NAE1: variants seen among roughly 807,000 people sequenced by gnomAD.
The protein encoded by NAE1 is NEDD8-activating enzyme E1 regulatory subunit.
Under a neutral mutation model 88.0 loss-of-function variants are expected in NAE1, and 59 were observed. That is an observed-to-expected ratio of 0.67 (90% CI 0.54 to 0.83). The LOEUF (loss-of-function observed/expected upper bound fraction) is 0.83. Among genes scored for constraint, NAE1 ranks in the 40% least tolerant of loss-of-function variants. The pLI is 0.00. For synonymous variants in NAE1, 186 were observed against 208.9 expected, an observed-to-expected ratio of 0.89 and a Z score of 0.95; for missense variants, 554 against 632.8, an observed-to-expected ratio of 0.88 and a Z score of 1.34.
chr16:66,826,916 T>C, intron 1 of NAE1, 136 bp from the exon 2 acceptor site: 1 of 750,522 alleles, frequency 1.3e-6, no homozygotes, highest in Middle Eastern at 3.9e-4. Flanking sequence ...CGGGAACAGA[T>C]ATTAGTATAG....
chr16:66,809,783 T>C (rs1200339585), intron 15 of NAE1, among the ~76,000 whole-genome samples: 2 of 152,144 alleles, frequency 1.3e-5, no homozygotes, highest in Non-Finnish European at 2.9e-5. Context: ...ATGCAAAATA[T>C]AAACTTCCAC....
At chr16:66,822,518 C>T (rs1011114921) in intron 6 of NAE1, among the ~76,000 whole-genome samples, 2 of 151,884 alleles carry the variant, frequency 1.3e-5, no homozygotes, top group African/African-American at 4.8e-5. Context: ...TTGCAGTGAG[C>T]TAAGATTGTG....
Position 66,824,622 on chromosome 16 carries a change from T to C in NAE1, c.249+233A>G, listed in dbSNP as rs117973566. ...AAAAAAATTTGTTAACCAGAATGAA[T>C]ATTAACATTACTCAAGATTTAGCTT... On this transcript the variant is annotated intron_variant, in intron 4 of 19. Coordinates refer to ENST00000290810, the MANE Select transcript of NAE1 (RefSeq NM_003905.4). 1.0e-2 allele frequency: 3,408 copies of C among 341,324 alleles called. 25 individuals carry two copies. The highest frequency in any genetic ancestry group is 0.014 in the Non-Finnish European group (2,663 of 187,886). The allele number at this position is 341,324 out of a possible 1,614,324, so 21.1% of individuals were successfully genotyped here. A position where few individuals can be genotyped will look rare whatever the true frequency, so the allele number is the denominator to read the frequency against.
chr16:66,830,811 G>T lies in NAE1; in HGVS notation c.53+36C>A, dbSNP rs189503586. 920 of 1,506,208 alleles carry T rather than the reference G, an allele frequency of 6.1e-4. 8 individuals carry two copies. The African/African-American group carries it at 0.012, about 20-fold the overall frequency. The allele number at this position is 1,506,208 out of a possible 1,614,324, so 93.3% of individuals were successfully genotyped here. A position where few individuals can be genotyped will look rare whatever the true frequency, so the allele number is the denominator to read the frequency against. On this transcript the variant is annotated intron_variant, in intron 1 of 19. Transcript: ENST00000290810. ...GCCCGGCCCGAATGCTGGAAAGCCC[G>T]CCGGCCCGCCCTCGGCTCGGTGAGC...
intron 17 of NAE1, among the ~76,000 whole-genome samples, chr16:66,808,190 C>A (rs1270022705): frequency 6.6e-6 from 1 of 152,186 alleles, no homozygotes; most frequent in African/African-American, 2.4e-5. Flanking sequence ...CCGTACTATG[C>A]CTGGCCAGCA....
intron 15 of NAE1, 87 bp downstream of exon 15, chr16:66,810,287 A>G (rs1959741832): frequency 8.6e-7 from 1 of 1,159,662 alleles, no homozygotes; most frequent in Non-Finnish European, 1.3e-6. Context: ...GAAAACTTAA[A>G]ATTTCAACCA....
At chr16:66,827,677 G>A (rs1960521484) in intron 1 of NAE1, 1 of 323,968 alleles carries the variant, frequency 3.1e-6, no homozygotes, top group Admixed American at 4.5e-5. Context: ...CAAGAAAACT[G>A]AATTATCATC....
At chr16:66,827,752 TAG>T (rs1960524387) in intron 1 of NAE1, among the ~76,000 whole-genome samples, 1 of 152,204 alleles carries the variant, frequency 6.6e-6, no homozygotes, top group African/African-American at 2.4e-5. Flanking sequence ...AACATTCTAA[TAG>T]AGTGATTAAT....
intron 4 of NAE1, among the ~76,000 whole-genome samples, chr16:66,823,937 A>C (rs1241695235): frequency 6.6e-6 from 1 of 152,148 alleles, no homozygotes; most frequent in East Asian, 1.9e-4. Flanking sequence ...GGGTCTTGAC[A>C]TGTTGCCCAG....
intron 13 of NAE1, among the ~76,000 whole-genome samples, chr16:66,812,620 C>T (rs925874876): frequency 1.3e-5 from 2 of 148,894 alleles, no homozygotes; most frequent in African/African-American, 2.5e-5. Context: ...TGGGTTCAAG[C>T]GATTCCCCTG....
At chr16:66,817,787 G>T (rs193290691) in intron 8 of NAE1, among the ~76,000 whole-genome samples, 9 of 152,180 alleles carry the variant, frequency 5.9e-5, no homozygotes, top group Admixed American at 3.9e-4. Flanking sequence ...AAGAAAGGAG[G>T]ATCTTTTCTG....
intron 3 of NAE1, chr16:66,825,984 A>C (rs1960449785): frequency 6.5e-6 from 1 of 153,620 alleles, no homozygotes; most frequent in Non-Finnish European, 1.4e-5. Flanking sequence ...GGTTTCCCTT[A>C]TATTTACTCA....
chr16:66,824,250 TA>T (rs1597049673), intron 4 of NAE1, among the ~76,000 whole-genome samples: 1 of 152,182 alleles, frequency 6.6e-6, no homozygotes, highest in Non-Finnish European at 1.5e-5. Context: ...CAAGAGTGGT[TA>T]ATCACTAAGC....
Position 66,805,632 on chromosome 16 carries a change from C to A in NAE1, c.1495+145G>T, listed in dbSNP as rs1439765625. Reference sequence around the variant, plus strand: ...CAACCTGGGCAAAACAGTGAGACTGCGTCTCAAAAAAAAAAAAAAGAAAGA... The same window carrying A: ...CAACCTGGGCAAAACAGTGAGACTGAGTCTCAAAAAAAAAAAAAAGAAAGA... On this transcript the variant is annotated intron_variant, in intron 19 of 19. Coordinates refer to ENST00000290810, the MANE Select transcript of NAE1 (RefSeq NM_003905.4). 4 of 640,556 alleles carry A rather than the reference C, an allele frequency of 6.2e-6. No homozygotes were observed. The Admixed American group carries it at 1.7e-4, about 28-fold the overall frequency. 39.7% of individuals were successfully genotyped at this position (640,556 alleles called of 1,614,324 possible).
At chr16:66,804,242 C>CAAA (rs58574660) in intron 19 of NAE1, among the ~76,000 whole-genome samples, 21 of 141,000 alleles carry the variant, frequency 1.5e-4, no homozygotes, top group Middle Eastern at 3.7e-3. Context: ...AAGTAAAAAA[C>CAAA]AAAAAAAAAA....
chr16:66,816,561 CT>C lies in NAE1; in HGVS notation c.840+19del. 6.5e-7 allele frequency: 1 copy of C among 1,530,922 alleles called. No individual in the cohort carries two copies. The highest frequency in any genetic ancestry group is 9.0e-7 in the Non-Finnish European group (1 of 1,105,938). The allele number at this position is 1,530,922 out of a possible 1,614,324, so 94.8% of individuals were successfully genotyped here. On this transcript the variant is annotated intron_variant, in intron 11 of 19. Transcript: ENST00000290810. Reference sequence around the variant, plus strand: ...GAAAACATCTTGTTCATGTGAATCCCTCAGCAACTCTTTCATTACCTGAGTT... The same window carrying C: ...GAAAACATCTTGTTCATGTGAATCCCCAGCAACTCTTTCATTACCTGAGTT...
At chr16:66,808,763 T>C (rs1448520903) in intron 16 of NAE1, 150 bp from the exon 17 acceptor site, 6 of 676,540 alleles carry the variant, frequency 8.9e-6, no homozygotes, top group African/African-American at 3.7e-5. Flanking sequence ...CTTTAACTCA[T>C]ACATATCACA....
chr16:66,803,054 G>GT lies in NAE1; in HGVS notation c.1559dup (p.Tyr520Ter). ...AAGTTTGTGACATGCCACTGTAAAT[G>GT]TAAGTATTATTAAAAATTACAAATT... is the stretch of plus-strand genomic sequence containing the variant. ...TKQFVIFNNT[Y>*]IYSGMSQTSA... The change falls in exon 20 of 20, where the codon TAC becomes TAAC. Residue 520 changes from tyrosine to a stop codon, truncating the protein, a stop_gained and frameshift_variant. Coordinates refer to ENST00000290810, the MANE Select transcript of NAE1 (RefSeq NM_003905.4). LOFTEE classifies it high-confidence loss of function. 4 of 1,612,588 alleles carry GT rather than the reference G, an allele frequency of 2.5e-6. No homozygotes were observed. The highest frequency in any genetic ancestry group is 1.7e-5 in the Admixed American group (1 of 60,024).
chr16:66,829,113 T>C (rs1281650108), intron 1 of NAE1, among the ~76,000 whole-genome samples: 1 of 152,220 alleles, frequency 6.6e-6, no homozygotes, highest in African/African-American at 2.4e-5. Flanking sequence ...AGGGGCTTAT[T>C]GACTGCTGCA....
Sources: gnomAD v4.1 joint callset for allele counts (sites outside exome capture counted in the v4.1 genomes callset) on GRCh38, gnomAD v4.1.1 for gene constraint, MANE v1.5 for transcripts, NCBI Gene and HGNC (gene_info 2026-07-23, HGNC 2026-07-21) for gene names.